RAPGEF5: variants seen among roughly 807,000 people sequenced by gnomAD.
RAPGEF5 encodes the protein M-Ras-regulated GEF.
Under a neutral mutation model 125.2 loss-of-function variants are expected in RAPGEF5, and 65 were observed. That is an observed-to-expected ratio of 0.52 (90% CI 0.43 to 0.64). The LOEUF (loss-of-function observed/expected upper bound fraction) is 0.64. RAPGEF5 is among the 30% of genes least tolerant of loss of function. The pLI is 0.00. For missense variants in RAPGEF5, 958 were observed against 1,048.1 expected, an observed-to-expected ratio of 0.91 and a Z score of 1.19; for synonymous variants, 391 against 385.9, an observed-to-expected ratio of 1.01 and a Z score of -0.16.
intron 8 of RAPGEF5, 77 bp from the exon 9 acceptor site, chr7:22,220,068 TATA>T (rs1432086950): frequency 6.6e-7 from 1 of 1,512,740 alleles, no homozygotes. Flanking sequence ...AAGTTCACCT[TATA>T]ATAAGCTCAT....
Position 22,146,906 on chromosome 7 carries a change from T to C in RAPGEF5, c.1998A>G (p.Ser666=). Residue 666 remains serine (S), a synonymous_variant, in exon 19 of 26, where the codon TCA becomes TCG. Transcript: ENST00000665637. The stretch of plus-strand genomic sequence containing the variant: ...GTCACTCCTCATTTACCTCGTGAAT[T>C]GAATTGAATAGACTCCAATCAAAAT... ...LMNFDWSLFN[S]IHEQELIYFT... is the part of the protein sequence containing the mutation. The C allele has an allele frequency of 6.2e-7, 1 of 1,609,760 alleles. No individual in the cohort carries two copies. The highest frequency in any genetic ancestry group is 8.5e-7 in the Non-Finnish European group (1 of 1,178,912).
intron 7 of RAPGEF5, among the ~76,000 whole-genome samples, chr7:22,236,855 C>T (rs1204676677): frequency 6.6e-6 from 1 of 152,198 alleles, no homozygotes; most frequent in Non-Finnish European, 1.5e-5. Context: ...GTCTCTGATG[C>T]CATGGGACTT....
At chr7:22,294,208 G>C (rs1437335980) in intron 5 of RAPGEF5, among the ~76,000 whole-genome samples, 1 of 152,202 alleles carries the variant, frequency 6.6e-6, no homozygotes, top group Non-Finnish European at 1.5e-5. Flanking sequence ...ACTGGAATCA[G>C]CAGGTAATGA....
intron 19 of RAPGEF5, among the ~76,000 whole-genome samples, chr7:22,145,954 ATG>A (rs1783424002): frequency 6.6e-6 from 1 of 150,588 alleles, no homozygotes; most frequent in Non-Finnish European, 1.5e-5. Flanking sequence ...TTGTTTTTAA[ATG>A]TGTTTGTGTG....
chr7:22,337,829 C>A (rs971512935), intron 1 of RAPGEF5, among the ~76,000 whole-genome samples: 1 of 152,228 alleles, frequency 6.6e-6, no homozygotes, highest in African/African-American at 2.4e-5. Flanking sequence ...GGAAGAGACT[C>A]TTTTGTTTAT....
At chr7:22,152,565 C>A (rs1239744869) in intron 17 of RAPGEF5, among the ~76,000 whole-genome samples, 1 of 152,068 alleles carries the variant, frequency 6.6e-6, no homozygotes, top group East Asian at 1.9e-4. Flanking sequence ...CGTATAACTA[C>A]CCTGGGTAAA....
At chr7:22,215,906 A>T (rs1052677802) in intron 9 of RAPGEF5, among the ~76,000 whole-genome samples, 2 of 152,250 alleles carry the variant, frequency 1.3e-5, no homozygotes, top group African/African-American at 4.8e-5. Context: ...TACCTGAAGC[A>T]AACTGCAGGC....
At chr7:22,196,740 G>A (rs1442433727) in intron 9 of RAPGEF5, among the ~76,000 whole-genome samples, 1 of 152,226 alleles carries the variant, frequency 6.6e-6, no homozygotes, top group Non-Finnish European at 1.5e-5. Context: ...GTATGAAGGA[G>A]CGGCTTTGGT....
chr7:22,312,697 T>C (rs1418895744), intron 3 of RAPGEF5, among the ~76,000 whole-genome samples: 1 of 152,228 alleles, frequency 6.6e-6, no homozygotes, highest in Non-Finnish European at 1.5e-5. Flanking sequence ...CAGAGCAAAC[T>C]ACCATTTCTG....
intron 1 of RAPGEF5, among the ~76,000 whole-genome samples, chr7:22,354,545 G>A (rs1784385998): frequency 6.6e-6 from 1 of 152,084 alleles, no homozygotes; most frequent in Non-Finnish European, 1.5e-5. Context: ...CCTGTGTTTT[G>A]GACTGTTAAG....
intron 7 of RAPGEF5, among the ~76,000 whole-genome samples, chr7:22,234,770 A>G (rs1182114325): frequency 6.6e-6 from 1 of 152,104 alleles, no homozygotes; most frequent in Non-Finnish European, 1.5e-5. Context: ...TGCCTTGGGG[A>G]CAAAACAGGT....
At chr7:22,133,210 G>A (rs1472401268) in intron 23 of RAPGEF5, among the ~76,000 whole-genome samples, 1 of 152,194 alleles carries the variant, frequency 6.6e-6, no homozygotes, top group African/African-American at 2.4e-5. Context: ...GGCTGGTACT[G>A]TCTAAGCATA....
intron 5 of RAPGEF5, chr7:22,298,677 T>A (rs1288600875): frequency 6.6e-6 from 1 of 152,248 alleles, no homozygotes; most frequent in Admixed American, 6.5e-5. Flanking sequence ...CGTACTTGGA[T>A]AGGAGAAATG....
At chr7:22,293,745 A>T (rs1237516872) in intron 5 of RAPGEF5, among the ~76,000 whole-genome samples, 2 of 152,144 alleles carry the variant, frequency 1.3e-5, no homozygotes, top group Admixed American at 6.5e-5. Flanking sequence ...AAGGAAGGTC[A>T]TGAAGGCAGG....
chr7:22,290,066 A>G (rs955305446), intron 6 of RAPGEF5, among the ~76,000 whole-genome samples: 1 of 152,230 alleles, frequency 6.6e-6, no homozygotes, highest in Non-Finnish European at 1.5e-5. Flanking sequence ...ATGAACACAC[A>G]TATTTAATAC....
At chr7:22,171,617 G>A (rs1359857232) in intron 11 of RAPGEF5, among the ~76,000 whole-genome samples, 1 of 152,170 alleles carries the variant, frequency 6.6e-6, no homozygotes, top group Non-Finnish European at 1.5e-5. Context: ...TCCGGCCTCA[G>A]CCTCCTGAGT....
chr7:22,291,303 G>A, intron 5 of RAPGEF5, 62 bp from the exon 6 acceptor site: 1 of 1,486,874 alleles, frequency 6.7e-7, no homozygotes, highest in East Asian at 2.5e-5. Flanking sequence ...TATCTACCAA[G>A]TTAGGAAGAA....
chr7:22,191,747 A>G, intron 11 of RAPGEF5: 2 of 454,180 alleles, frequency 4.4e-6, no homozygotes, highest in South Asian at 3.2e-5. Flanking sequence ...GTGATTTGTC[A>G]TTCTCAGTGT....
intron 1 of RAPGEF5, among the ~76,000 whole-genome samples, chr7:22,331,033 T>C (rs1226161470): frequency 1.3e-5 from 2 of 152,160 alleles, no homozygotes; most frequent in African/African-American, 2.4e-5. Context: ...AGCCCTCCAC[T>C]GTCCACCACA....
Sources: gnomAD v4.1 joint callset for allele counts (sites outside exome capture counted in the v4.1 genomes callset) on GRCh38, gnomAD v4.1.1 for gene constraint, MANE v1.5 for transcripts, NCBI Gene and HGNC (gene_info 2026-07-23, HGNC 2026-07-21) for gene names.